SCYL3: variants seen among roughly 807,000 people sequenced by gnomAD.
The protein encoded by SCYL3 is protein-associating with the carboxyl-terminal domain of ezrin.
In SCYL3, 35 loss-of-function variants were observed where a neutral mutation model predicts 73.8. That is an observed-to-expected ratio of 0.47 (90% CI 0.36 to 0.63). The LOEUF is 0.63. Ranked by LOEUF, SCYL3 falls within the 20% of genes least tolerant of loss-of-function variation. The pLI is 0.00. For missense variants in SCYL3, 712 were observed against 798.9 expected (o/e 0.89, Z 1.31); for synonymous variants, 277 against 295.2 (o/e 0.94, Z 0.63).
intron 1 of SCYL3, among the ~76,000 whole-genome samples, chr1:169,892,800 T>C (rs1190150413): frequency 2.0e-5 from 3 of 152,210 alleles, no homozygotes; most frequent in African/African-American, 7.2e-5. Flanking sequence ...TACACTCAAC[T>C]AAGAAACCCG....
At chr1:169,868,226 T>TG (rs1365459827) in intron 7 of SCYL3, among the ~76,000 whole-genome samples, 2 of 152,198 alleles carry the variant, frequency 1.3e-5, no homozygotes, top group Non-Finnish European at 2.9e-5. Flanking sequence ...GCCTTCCCTT[T>TG]GCTCTGGTTT....
intron 8 of SCYL3, among the ~76,000 whole-genome samples, chr1:169,865,416 T>C (rs2102158402): frequency 6.6e-6 from 1 of 152,294 alleles, no homozygotes; most frequent in South Asian, 2.1e-4. Flanking sequence ...CTTCTAGTTA[T>C]TAAGGATCCG....
intron 3 of SCYL3, 78 bp downstream of exon 3, chr1:169,878,556 A>G (rs879585571): frequency 2.6e-5 from 31 of 1,174,132 alleles, no homozygotes; most frequent in Middle Eastern, 4.5e-4. Context: ...ACCATAATTT[A>G]TAAGTATTAC....
chr1:169,878,635 C>G lies in SCYL3; in HGVS notation c.350G>C (p.Arg117Thr). 6.2e-7 allele frequency: 1 copy of G among 1,610,168 alleles called. No homozygotes were observed. Among genetic ancestry groups the G allele is most frequent in the Non-Finnish European group, 8.5e-7 (1 of 1,178,408 alleles). Residue 117 changes from arginine (R) to threonine (T), a missense_variant and splice_region_variant, in exon 3 of 13, where the codon AGA (arginine) becomes ACA (threonine). Coordinates refer to ENST00000367771, the MANE Select transcript of SCYL3 (RefSeq NM_020423.7). The part of the protein sequence containing the change: ...ILLALIFLHD[R>T]GHLTHNNVCL... ...ATGCAGACTATACAGGTTACTTACT[C>G]TGTCATGAAGGAAGATAAGAGCCAG...
In SCYL3 at chr1:169,870,328, A is replaced by G; in HGVS notation, c.552T>C (p.Cys184=). The G allele has an allele frequency of 6.2e-7, 1 of 1,613,278 alleles. No individual in the cohort carries two copies. The highest frequency in any genetic ancestry group is 8.5e-7 in the Non-Finnish European group (1 of 1,179,612). Residue 184 remains cysteine, a synonymous_variant, in exon 6 of 13, where the codon TGT becomes TGC. Coordinates refer to ENST00000367771, the MANE Select transcript of SCYL3 (RefSeq NM_020423.7). Reference sequence around the variant, plus strand: ...AAAAGGCATCCCGGGCATGTCCATGACACTCTGGGAGAGTTGTGAATTCTG... The same window carrying G: ...AAAAGGCATCCCGGGCATGTCCATGGCACTCTGGGAGAGTTGTGAATTCTG... The part of the protein sequence containing the change: ...MSPEFTTLPE[C]HGHARDAFSF...
chr1:169,869,656 C>G (rs1660258901), intron 6 of SCYL3, among the ~76,000 whole-genome samples: 4 of 152,152 alleles, frequency 2.6e-5, no homozygotes, highest in Non-Finnish European at 5.9e-5. Flanking sequence ...TCAGTAAACT[C>G]AATGAGTGGA....
chr1:169,863,824 C>A (rs1414800479), intron 9 of SCYL3, among the ~76,000 whole-genome samples: 1 of 152,164 alleles, frequency 6.6e-6, no homozygotes, highest in Non-Finnish European at 1.5e-5. Flanking sequence ...AAAATAAATT[C>A]TGAAAGCAGG....
At position 169,887,300 on chromosome 1, in the gene SCYL3, G is replaced by T. The variant is rs370012043; in HGVS notation, c.165+1376C>A. Among the ~76,000 whole-genome samples the T allele has an allele frequency of 7.2e-5, 11 of 151,820 alleles. No homozygotes were observed. The East Asian group carries it at 2.1e-3, about 29-fold the overall frequency. On this transcript the variant is annotated intron_variant, in intron 2 of 12. Transcript: ENST00000367771. ...CCTCTCAAGCTTCGCAATTCCTTCA[G>T]CACAGAAGTCCTCAAAAATGGAGAG...
In SCYL3 at chr1:169,859,049, G is replaced by A. The variant is rs764800172; in HGVS notation, c.1304C>T (p.Ser435Phe). 1 of 1,612,446 alleles carries A rather than the reference G, an allele frequency of 6.2e-7. No homozygotes were observed. The highest frequency in any genetic ancestry group is 1.1e-5 in the South Asian group (1 of 90,740). The change falls in exon 11 of 13, where the codon TCT becomes TTT. Residue 435 changes from serine to phenylalanine, a missense_variant. By Grantham distance (155) the Ser-to-Phe change is radical. Transcript: ENST00000367771. Reference protein sequence around the residue: ...APSFTKNTDLSLEGDPFSQPI... With the variant: ...APSFTKNTDLFLEGDPFSQPI... ...CTTTTAATAATTCTTACCTTCTAGA[G>A]AAAGGTCAGTATTTTTAGTAAAACT... is the stretch of plus-strand genomic sequence containing the variant.
At position 169,854,266 on chromosome 1, in the gene SCYL3, T is replaced by TCA; in HGVS notation, c.2007+2_2007+3dup. 6.3e-7 allele frequency: 1 copy of TCA among 1,591,108 alleles called. No homozygotes were observed. Among genetic ancestry groups the TCA allele is most frequent in the Non-Finnish European group, 8.5e-7 (1 of 1,170,620 alleles). On this transcript the variant is annotated splice_donor_region_variant and intron_variant, in intron 12 of 12. Transcript: ENST00000367771. ...AGCACAGTTTACTCCATAAAAGTAC[T>TCA]CACCTCAGTAATTTCTGCTGCAGCA...
At chr1:169,871,041 T>G (rs926302221) in intron 5 of SCYL3, among the ~76,000 whole-genome samples, 3 of 152,162 alleles carry the variant, frequency 2.0e-5, no homozygotes, top group Non-Finnish European at 2.9e-5. Context: ...ACCAGCACTC[T>G]TAATAATCAT....
chr1:169,882,194 C>A (rs1213649772), intron 2 of SCYL3, among the ~76,000 whole-genome samples: 1 of 152,202 alleles, frequency 6.6e-6, no homozygotes, highest in East Asian at 1.9e-4. Context: ...TTGGCAGGCC[C>A]CCCACTTGGA....
chr1:169,853,039 TA>T lies in SCYL3; in HGVS notation c.*673del. The T allele has an allele frequency of 6.4e-7, 1 of 1,561,522 alleles. No homozygotes were observed. The highest frequency in any genetic ancestry group is 8.8e-7 in the Non-Finnish European group (1 of 1,134,188). Reference sequence around the variant, plus strand: ...TGATGCTTTGTCAACTGAAAATACTTATGTCTGTACATTTTCTAACAGATAT... The same window carrying T: ...TGATGCTTTGTCAACTGAAAATACTTTGTCTGTACATTTTCTAACAGATAT... On this transcript the variant is annotated 3_prime_UTR_variant, in exon 13 of 13. Transcript: ENST00000367771.
chr1:169,876,095 G>GAA lies in SCYL3; in HGVS notation c.352-6_352-5dup. On this transcript the variant is annotated splice_region_variant and splice_polypyrimidine_tract_variant and intron_variant, in intron 3 of 12. Transcript: ENST00000367771. ...CATTATTGTGTGTTAGGTGTCCCTGGAAAAAAAAAAGAACAGAAGGAAGAG... is the reference window on the plus strand; with the variant it reads ...CATTATTGTGTGTTAGGTGTCCCTGGAAAAAAAAAAAAGAACAGAAGGAAGAG... The GAA allele has an allele frequency of 3.5e-5, 48 of 1,383,996 alleles. No homozygotes were observed. The highest frequency in any genetic ancestry group is 8.5e-5 in the South Asian group (6 of 70,284). 85.7% of individuals were successfully genotyped at this position (1,383,996 alleles called of 1,614,324 possible). A position where few individuals can be genotyped will look rare whatever the true frequency, so the allele number is the denominator to read the frequency against.
chr1:169,873,981 C>A (rs1660616217), intron 4 of SCYL3, among the ~76,000 whole-genome samples: 1 of 152,204 alleles, frequency 6.6e-6, no homozygotes, highest in South Asian at 2.1e-4. Context: ...CTTTTCCTCT[C>A]CCCTTCATCT....
Position 169,854,802 on chromosome 1 carries a change from T to G in SCYL3, c.1475A>C (p.Gln492Pro). The change falls in exon 12 of 13, where the codon CAG becomes CCG. Residue 492 changes from glutamine to proline, a missense_variant. Around this residue, in one of 2 missense-constraint regions of SCYL3, gnomAD observed 370 missense variants for 350.8 expected, o/e 1.05. Transcript: ENST00000367771. The part of the protein sequence containing the change: ...EEPENQTVNI[Q>P]IWPREPCDDV... ...ATCACAAGGTTCTCTAGGCCAAATC[T>G]GTATGTTGACAGTTTGATTTTCAGG... The G allele has an allele frequency of 6.2e-7, 1 of 1,614,060 alleles. No individual in the cohort carries two copies. The highest frequency in any genetic ancestry group is 2.2e-5 in the East Asian group (1 of 44,884).
At position 169,876,096 on chromosome 1, in the gene SCYL3, A is replaced by G. The variant is rs980342682; in HGVS notation, c.352-5T>C. The stretch of plus-strand genomic sequence containing the variant: ...ATTATTGTGTGTTAGGTGTCCCTGG[A>G]AAAAAAAAAGAACAGAAGGAAGAGT... On this transcript the variant is annotated splice_polypyrimidine_tract_variant and splice_region_variant and intron_variant, in intron 3 of 12. Coordinates refer to ENST00000367771, the MANE Select transcript of SCYL3 (RefSeq NM_020423.7). 7 of 1,293,512 alleles carry G rather than the reference A, an allele frequency of 5.4e-6. No individual in the cohort carries two copies. Among genetic ancestry groups the G allele is most frequent in the East Asian group, 5.5e-5 (2 of 36,234 alleles). The allele number at this position is 1,293,512 out of a possible 1,614,324, so 80.1% of individuals were successfully genotyped here.
In SCYL3 at chr1:169,853,644, G is replaced by T; in HGVS notation, c.*69C>A. 1.3e-6 allele frequency: 2 copies of T among 1,550,106 alleles called. No individual in the cohort carries two copies. The highest frequency in any genetic ancestry group is 1.8e-6 in the Non-Finnish European group (2 of 1,129,738). On this transcript the variant is annotated 3_prime_UTR_variant, in exon 13 of 13. Coordinates refer to ENST00000367771, the MANE Select transcript of SCYL3 (RefSeq NM_020423.7). ...TTGGGGTTTTCTTGTCCCAAAGCCT[G>T]CTTTTGAGGTATTGATTTTTTTTAA...
chr1:169,878,688 C>G lies in SCYL3; in HGVS notation c.297G>C (p.Glu99Asp), dbSNP rs141147438. ...EVALETLSSA[E>D]VCAGIYDILL... ...ATATGTCATAGATCCCAGCACAGAC[C>G]TCTGCAGAAGACAATGTTTCCAAAG... The change falls in exon 3 of 13, where the codon GAG becomes GAC. Residue 99 changes from glutamate to aspartate, a missense_variant. This residue lies in a region of SCYL3 where 342 missense variants were observed against 448.1 expected (regional missense o/e 0.76). Transcript: ENST00000367771. 1 of 1,614,064 alleles carries G rather than the reference C, an allele frequency of 6.2e-7. No individual in the cohort carries two copies. Among genetic ancestry groups the G allele is most frequent in the African/African-American group, 1.3e-5 (1 of 74,926 alleles).
Sources: allele counts gnomAD v4.1 joint callset (sites outside exome capture counted in the v4.1 genomes callset), GRCh38; gene constraint gnomAD v4.1.1; regional missense constraint gnomAD v4.1.1; transcripts MANE v1.5; gene names NCBI Gene and HGNC (gene_info 2026-07-23, HGNC 2026-07-21).